The following SI variants were observed in gnomAD, a reference collection of about 807,000 sequenced individuals.
SI encodes the protein sucrase-isomaltase.
SI carries 235 observed loss-of-function variants against 253.3 expected under a neutral mutation model. That is an observed-to-expected ratio of 0.93 (90% confidence interval 0.83 to 1.03). SI has a LOEUF of 1.03. Among genes scored for constraint, SI ranks in the 50% least tolerant of loss-of-function variants. SI has a pLI of 0.00. For synonymous variants in SI, 819 were observed against 712.0 expected (o/e 1.15, Z -2.39); for missense variants, 2,442 against 2,211.1 (o/e 1.10, Z -2.09).
intron 47 of SI, 89 bp from the exon 48 acceptor site, chr3:164,979,519 A>C (rs1717077342): frequency 2.7e-6 from 2 of 736,652 alleles, no homozygotes; most frequent in Admixed American, 1.9e-5. Flanking sequence ...TTTTCTAATA[A>C]ATAGTATATA....
intron 12 of SI, among the ~76,000 whole-genome samples, chr3:165,058,061 T>TGA (rs551703047): frequency 6.6e-6 from 1 of 151,212 alleles, no homozygotes. Flanking sequence ...TATTTTTTTT[T>TGA]AAAAAATTGA....
intron 17 of SI, among the ~76,000 whole-genome samples, chr3:165,041,955 G>T (rs768691883): frequency 7.9e-5 from 12 of 152,052 alleles, no homozygotes; most frequent in Non-Finnish European, 1.6e-4. Flanking sequence ...CCACTCACTT[G>T]ATTGAAACTT....
At chr3:165,083,222 C>T (rs1715399351), upstream of SI, among the ~76,000 whole-genome samples, 1 of 151,812 alleles carries the variant, frequency 6.6e-6, no homozygotes, top group South Asian at 2.1e-4. Context: ...ATGTGGCTGT[C>T]CAGACTATGC....
At position 165,074,419 on chromosome 3, in the gene SI, GC is replaced by G. The variant is rs753908381; in HGVS notation, c.255+111del. ...AAGCTATAATAAAATGATAAATTCAGCCTAATTTATGTCTAGATCTTTATTA... is the reference window on the plus strand; with the variant it reads ...AAGCTATAATAAAATGATAAATTCAGCTAATTTATGTCTAGATCTTTATTA... On this transcript the variant is annotated intron_variant, in intron 3 of 47. Transcript: ENST00000264382. 5 of 616,598 alleles carry G rather than the reference GC, an allele frequency of 8.1e-6. No individual in the cohort carries two copies. In the African/African-American group the frequency reaches 9.6e-5, roughly 12 times the overall value. 38.2% of individuals were successfully genotyped at this position (616,598 alleles called of 1,614,324 possible).
chr3:165,050,847 A>G (rs1380034840), intron 13 of SI, among the ~76,000 whole-genome samples: 2 of 151,894 alleles, frequency 1.3e-5, no homozygotes. Flanking sequence ...ACTGCTTTTC[A>G]GCTTCTTGAA....
Position 164,982,503 on chromosome 3 carries a change from G to A in SI, c.5248-93C>T, listed in dbSNP as rs116995271. The A allele has an allele frequency of 1.3e-3, 1,158 of 876,294 alleles. 4 individuals carry two copies. The highest frequency in any genetic ancestry group is 0.013 in the East Asian group (487 of 38,302). 54.3% of individuals were successfully genotyped at this position (876,294 alleles called of 1,614,324 possible). On this transcript the variant is annotated intron_variant, in intron 46 of 47. Coordinates refer to ENST00000264382, the MANE Select transcript of SI (RefSeq NM_001041.4). ...TGTCGGTTAACCAAAAATGTATTTC[G>A]TAGTATAATAAATTGTTTATTTGTG...
At chr3:165,069,674 C>A (rs1276848376) in intron 3 of SI, among the ~76,000 whole-genome samples, 1 of 151,978 alleles carries the variant, frequency 6.6e-6, no homozygotes, top group Non-Finnish European at 1.5e-5. Flanking sequence ...ATTATTTAAA[C>A]TATCTTAACT....
the SI span, among the ~76,000 whole-genome samples, chr3:165,085,292 T>A: frequency 6.6e-6 from 1 of 152,146 alleles, no homozygotes; most frequent in African/African-American, 2.4e-5. Flanking sequence ...TGAAATCAAT[T>A]CAAGTATAAA....
chr3:165,059,045 G>T lies in SI; in HGVS notation c.1316C>A (p.Thr439Lys). 2 of 1,612,442 alleles carry T rather than the reference G, an allele frequency of 1.2e-6. No individual in the cohort carries two copies. Among genetic ancestry groups the T allele is most frequent in the East Asian group, 2.2e-5 (1 of 44,708 alleles). The part of the protein sequence containing the change: ...AISIGRRANG[T>K]TYATYERGNT... ...TCCCCTCTCATAGGTTGCATATGTT[G>T]TTCCATTGGCACGTCGACCTATGGA... The change falls in exon 12 of 48, where the codon ACA becomes AAA. Residue 439 changes from threonine to lysine, a missense_variant. Physicochemically the swap from Thr to Lys is moderately conservative, Grantham distance 78. Transcript: ENST00000264382.
chr3:165,055,969 G>A (rs1713675468), intron 12 of SI, among the ~76,000 whole-genome samples: 2 of 151,998 alleles, frequency 1.3e-5, no homozygotes, highest in African/African-American at 4.8e-5. Flanking sequence ...AACCCAAACA[G>A]TCTTACACCT....
intron 24 of SI, among the ~76,000 whole-genome samples, chr3:165,031,168 C>T (rs974481412): frequency 3.4e-5 from 5 of 149,222 alleles, no homozygotes; most frequent in Admixed American, 6.7e-5. Context: ...TTGATTATTG[C>T]TTATATGCCT....
chr3:165,005,608 A>G (rs2108152501), intron 37 of SI, among the ~76,000 whole-genome samples: 1 of 152,314 alleles, frequency 6.6e-6, no homozygotes, highest in South Asian at 2.1e-4. Flanking sequence ...CTATTATTTC[A>G]TATTTAATTA....
intron 9 of SI, 89 bp from the exon 10 acceptor site, chr3:165,060,116 A>C (rs188306541): frequency 9.6e-5 from 107 of 1,112,196 alleles, no homozygotes; most frequent in Non-Finnish European, 1.1e-4. Flanking sequence ...TTATTTTCTT[A>C]TATCTCTAAA....
At chr3:165,049,951 TG>T in intron 13 of SI, 76 bp from the exon 14 acceptor site, 1 of 923,292 alleles carries the variant, frequency 1.1e-6, no homozygotes, top group Non-Finnish European at 1.8e-6. Flanking sequence ...TCTAGTTGTT[TG>T]AAAATGTTTT....
chr3:165,062,572 A>T, intron 8 of SI, 89 bp from the exon 9 acceptor site: 1 of 706,412 alleles, frequency 1.4e-6, no homozygotes, highest in East Asian at 2.7e-5. Context: ...AATTTGTATT[A>T]ACTACATTAT....
At chr3:164,997,963 T>C (rs1285218302) in intron 38 of SI, among the ~76,000 whole-genome samples, 1 of 151,776 alleles carries the variant, frequency 6.6e-6, no homozygotes, top group Non-Finnish European at 1.5e-5. Context: ...TCGAAGAGTG[T>C]CTTTTGTGAA....
At chr3:165,048,999 G>T in intron 15 of SI, 128 bp downstream of exon 15, 2 of 684,106 alleles carry the variant, frequency 2.9e-6, no homozygotes, top group Non-Finnish European at 5.3e-6. Flanking sequence ...TAACTTTTTA[G>T]CAGGCATAAA....
intron 37 of SI, among the ~76,000 whole-genome samples, chr3:164,999,955 A>G (rs1248642001): frequency 6.6e-6 from 1 of 151,568 alleles, no homozygotes; most frequent in Non-Finnish European, 1.5e-5. Flanking sequence ...TTTTCATAAC[A>G]AATATAAAAT....
At chr3:165,054,308 T>C (rs144455643) in intron 13 of SI, among the ~76,000 whole-genome samples, 231 of 152,220 alleles carry the variant, frequency 1.5e-3, no homozygotes, top group African/African-American at 5.2e-3. Flanking sequence ...TTTCTATCCC[T>C]AGCAGCAGGC....
Sources: gnomAD v4.1 joint callset for allele counts (sites outside exome capture counted in the v4.1 genomes callset) on GRCh38, gnomAD v4.1.1 for gene constraint, MANE v1.5 for transcripts, NCBI Gene and HGNC (gene_info 2026-07-23, HGNC 2026-07-21) for gene names.